RLN2: variants seen among roughly 807,000 people sequenced by gnomAD.
RLN2 encodes the protein relaxin 2.
RLN2 carries 10 observed loss-of-function variants against 7.3 expected under a neutral mutation model. That is an observed-to-expected ratio of 1.36 (90% CI 0.84 to 2.31). The LOEUF is 2.31. RLN2 is among the 30% of genes most tolerant of loss of function. The probability of loss-of-function intolerance (pLI) is 0.00; values close to 1 mark genes in which losing one functional copy is unlikely to be tolerated. For missense variants in RLN2, 298 were observed against 217.6 expected, an observed-to-expected ratio of 1.37 and a Z score of -2.32; for synonymous variants, 103 against 82.3, an observed-to-expected ratio of 1.25 and a Z score of -1.36.
At chr9:5,321,108 A>G in the RLN2 span, among the ~76,000 whole-genome samples, 1 of 152,178 alleles carries the variant, frequency 6.6e-6, no homozygotes, top group Admixed American at 6.5e-5. Flanking sequence ...TGAAAATCAC[A>G]GTTTTAACCA....
At chr9:5,323,123 G>A in the RLN2 span, among the ~76,000 whole-genome samples, 6 of 151,164 alleles carry the variant, frequency 4.0e-5, no homozygotes, top group South Asian at 2.1e-4. Flanking sequence ...TCCTCCTCTC[G>A]CCTTCCCACA....
the RLN2 span, among the ~76,000 whole-genome samples, chr9:5,310,886 CTGTTT>C: frequency 2.6e-5 from 4 of 152,044 alleles, no homozygotes; most frequent in Non-Finnish European, 4.4e-5. Context: ...ACAAAGTGTT[CTGTTT>C]TATCAATTAA....
At chr9:5,316,664 G>A in the RLN2 span, among the ~76,000 whole-genome samples, 7 of 152,018 alleles carry the variant, frequency 4.6e-5, no homozygotes, top group African/African-American at 1.7e-4. Flanking sequence ...TGGTGTATAT[G>A]TGCCACATTT....
the RLN2 span, among the ~76,000 whole-genome samples, chr9:5,314,605 G>T: frequency 6.6e-6 from 1 of 151,992 alleles, no homozygotes; most frequent in Non-Finnish European, 1.5e-5. Flanking sequence ...TCACCCTACA[G>T]GTTGAATAAT....
At chr9:5,321,696 A>T in the RLN2 span, among the ~76,000 whole-genome samples, 15 of 145,452 alleles carry the variant, frequency 1.0e-4, no homozygotes, top group Non-Finnish European at 2.3e-4. Flanking sequence ...GAAGGAAGCA[A>T]GCAATGGTCT....
chr9:5,301,689 G>A (rs890705795), intron 1 of RLN2, among the ~76,000 whole-genome samples: 4 of 152,208 alleles, frequency 2.6e-5, no homozygotes, highest in African/African-American at 7.2e-5. Context: ...AACCACTGAT[G>A]CCTGCTGATC....
upstream of RLN2, among the ~76,000 whole-genome samples, chr9:5,305,435 A>G (rs1816231216): frequency 6.6e-6 from 1 of 151,774 alleles, no homozygotes; most frequent in Non-Finnish European, 1.5e-5. Context: ...AGAAGAAAAA[A>G]AAGCAGTGGA....
the RLN2 span, among the ~76,000 whole-genome samples, chr9:5,315,167 T>C: frequency 6.6e-6 from 1 of 151,886 alleles, no homozygotes; most frequent in East Asian, 1.9e-4. Context: ...TTAAAAATAA[T>C]AATCTTAAGG....
the RLN2 span, among the ~76,000 whole-genome samples, chr9:5,321,843 G>A: frequency 2.6e-5 from 4 of 152,024 alleles, no homozygotes; most frequent in African/African-American, 9.7e-5. Flanking sequence ...AGGGAGCATT[G>A]GCTGCCCTTG....
the RLN2 span, among the ~76,000 whole-genome samples, chr9:5,330,778 A>C: frequency 2.0e-5 from 3 of 151,526 alleles, no homozygotes; most frequent in African/African-American, 7.3e-5. Context: ...AAAAAAAAAA[A>C]AAAACCTTCA....
chr9:5,332,587 G>A, the RLN2 span, among the ~76,000 whole-genome samples: 1 of 148,894 alleles, frequency 6.7e-6, no homozygotes, highest in Admixed American at 6.7e-5. Context: ...TTGATGCTTT[G>A]TTATGGAGCA....
upstream of RLN2, among the ~76,000 whole-genome samples, chr9:5,307,825 C>G (rs567069724): frequency 6.6e-6 from 1 of 151,988 alleles, no homozygotes. Flanking sequence ...CATCTTCCAG[C>G]GCCAACTTTG....
chr9:5,305,887 A>T (rs1029301403), upstream of RLN2, among the ~76,000 whole-genome samples: 8 of 151,996 alleles, frequency 5.3e-5, no homozygotes, highest in Non-Finnish European at 1.2e-4. Flanking sequence ...ATTCTTCAAA[A>T]AATACCTGAC....
chr9:5,336,984 C>G, the RLN2 span, among the ~76,000 whole-genome samples: 41,089 of 151,604 alleles, frequency 0.27, 6,076 homozygotes, highest in East Asian at 0.4. Flanking sequence ...TTTGACAGAG[C>G]AATAAAAAAC....
the RLN2 span, chr9:5,335,206 G>A: frequency 8.3e-7 from 1 of 1,201,012 alleles, no homozygotes. Flanking sequence ...ATGTCATCAA[G>A]ACTATGTGTG....
chr9:5,306,854 G>T (rs1816260785), upstream of RLN2, among the ~76,000 whole-genome samples: 2 of 152,060 alleles, frequency 1.3e-5, no homozygotes, highest in Admixed American at 1.3e-4. Flanking sequence ...GGCTGTAAGT[G>T]CTAGACATGG....
At chr9:5,301,799 C>T (rs931674301) in intron 1 of RLN2, among the ~76,000 whole-genome samples, 1 of 151,310 alleles carries the variant, frequency 6.6e-6, no homozygotes, top group Non-Finnish European at 1.5e-5. Context: ...TTCTAGCCAA[C>T]AAAAAAATTC....
chr9:5,311,938 A>G, the RLN2 span, among the ~76,000 whole-genome samples: 1 of 151,956 alleles, frequency 6.6e-6, no homozygotes, highest in African/African-American at 2.4e-5. Context: ...AACTCGTTCA[A>G]ACAAATTTAC....
the RLN2 span, among the ~76,000 whole-genome samples, chr9:5,336,900 G>A: frequency 1.3e-5 from 2 of 151,964 alleles, 1 homozygote; most frequent in Non-Finnish European, 2.9e-5. Context: ...TTCTGGGGCT[G>A]ATCATTTCCT....
Sources: allele counts gnomAD v4.1 joint callset (sites outside exome capture counted in the v4.1 genomes callset), GRCh38; gene constraint gnomAD v4.1.1; transcripts MANE v1.5; gene names NCBI Gene and HGNC (gene_info 2026-07-23, HGNC 2026-07-21).